MARK2: variants seen among roughly 807,000 people sequenced by gnomAD.
MARK2 encodes serine/threonine-protein kinase MARK2.
MARK2 carries 16 observed loss-of-function variants against 89.8 expected under a neutral mutation model. The ratio of observed to expected loss-of-function variants is 0.18; its 90% CI spans 0.12 to 0.27. The LOEUF (loss-of-function observed/expected upper bound fraction) is 0.27. Among genes scored for constraint, MARK2 ranks in the 10% least tolerant of loss-of-function variants. MARK2 has a pLI of 1.00. For synonymous variants in MARK2, 382 were observed against 399.5 expected, an observed-to-expected ratio of 0.96 and a Z score of 0.52; for missense variants, 621 against 1,049.9, an observed-to-expected ratio of 0.59 and a Z score of 5.65.
At chr11:63,844,256 G>C (rs1489409992) in intron 1 of MARK2, among the ~76,000 whole-genome samples, 3 of 152,220 alleles carry the variant, frequency 2.0e-5, no homozygotes, top group Admixed American at 6.5e-5. Context: ...AAGGCAGGAG[G>C]ATTGCTTGAG....
In MARK2 at chr11:63,839,332, C is replaced by G; in HGVS notation, c.-175C>G. ...CGCTCGGAGCCGGCGCGGCCTAGCC[C>G]GAGCGGCGCATCCCCGGGCTGGCGT... On this transcript the variant is annotated 5_prime_UTR_variant, in exon 1 of 19. Coordinates refer to ENST00000402010, the MANE Select transcript of MARK2 (RefSeq NM_001039469.3). 2.1e-6 allele frequency: 1 copy of G among 478,336 alleles called. No homozygotes were observed. Among genetic ancestry groups the G allele is most frequent in the Non-Finnish European group, 3.6e-6 (1 of 276,302 alleles). The allele number at this position is 478,336 out of a possible 1,614,324, so 29.6% of individuals were successfully genotyped here. A position where few individuals can be genotyped will look rare whatever the true frequency, so the allele number is the denominator to read the frequency against.
rs1590685919 is a variant in MARK2 at position 63,900,470 on chromosome 11, C to T, written c.769-89C>T. 2 of 1,464,784 alleles carry T rather than the reference C, an allele frequency of 1.4e-6. No individual in the cohort carries two copies. The highest frequency in any genetic ancestry group is 1.3e-5 in the South Asian group (1 of 79,954). 90.7% of individuals were successfully genotyped at this position (1,464,784 alleles called of 1,614,324 possible). On this transcript the variant is annotated intron_variant, in intron 8 of 18. Coordinates refer to ENST00000402010, the MANE Select transcript of MARK2 (RefSeq NM_001039469.3). This position sits in a 1 kb window ranked among gnomAD's most constrained non-coding sequence, Gnocchi z 4.7. ...CATATTTCATTTATGTCTGCTTTGC[C>T]AGGCTTAAGCTCTCAGGATCTTGGA...
At position 63,908,767 on chromosome 11, in the gene MARK2, C is replaced by T. The variant is rs7940152; in HGVS notation, c.2007-110C>T. 5 of 1,167,706 alleles carry T rather than the reference C, an allele frequency of 4.3e-6. No individual in the cohort carries two copies. The South Asian group carries it at 8.6e-5, about 20-fold the overall frequency. The allele number at this position is 1,167,706 out of a possible 1,614,324, so 72.3% of individuals were successfully genotyped here. On this transcript the variant is annotated intron_variant, in intron 18 of 18. Coordinates refer to ENST00000402010, the MANE Select transcript of MARK2 (RefSeq NM_001039469.3). ...GGCCAGGGGCCACGCCTGGCTGCTC[C>T]TGCTCCCTCCCGCTCTCCTCTCTGG... is the stretch of plus-strand genomic sequence containing the variant.
intron 1 of MARK2, among the ~76,000 whole-genome samples, chr11:63,854,486 G>C (rs1448077688): frequency 6.6e-6 from 1 of 150,900 alleles, no homozygotes; most frequent in Non-Finnish European, 1.5e-5. Context: ...CACAGTGCTG[G>C]GATTACAGGC....
At chr11:63,895,047 T>C (rs1021115658) in intron 1 of MARK2, 112 bp from the exon 2 acceptor site, 4 of 797,058 alleles carry the variant, frequency 5.0e-6, no homozygotes, top group Middle Eastern at 3.8e-4. Flanking sequence ...TTCACATGCC[T>C]ACCAGCCCCC....
chr11:63,883,203 A>T (rs1939200913), intron 1 of MARK2, among the ~76,000 whole-genome samples: 1 of 152,116 alleles, frequency 6.6e-6, no homozygotes, highest in South Asian at 2.1e-4. Context: ...TGAAGAAGGG[A>T]AGAACCCTGG....
chr11:63,878,472 C>T (rs1453349000), intron 1 of MARK2, among the ~76,000 whole-genome samples: 2 of 150,582 alleles, frequency 1.3e-5, no homozygotes, highest in African/African-American at 4.9e-5. Context: ...TGGGTTCACG[C>T]CATTCTCCTG....
chr11:63,899,438 C>T (rs1940687086), intron 7 of MARK2, among the ~76,000 whole-genome samples: 2 of 152,116 alleles, frequency 1.3e-5, no homozygotes, highest in Admixed American at 6.5e-5. Context: ...TTCAGGCAAC[C>T]TGGTAGCTGA....
At position 63,839,220 on chromosome 11, in the gene MARK2, TGCG is replaced by T. The variant is rs1366659079; in HGVS notation, c.-281_-279del. 1 of 227,444 alleles carries T rather than the reference TGCG, an allele frequency of 4.4e-6. No homozygotes were observed. Among genetic ancestry groups the T allele is most frequent in the Non-Finnish European group, 8.4e-6 (1 of 119,134 alleles). The allele number at this position is 227,444 out of a possible 1,614,324, so 14.1% of individuals were successfully genotyped here. A position where few individuals can be genotyped will look rare whatever the true frequency, so the allele number is the denominator to read the frequency against. ...GGGAGGAGCGAGGCAGGCGGCCGGC[TGCG>T]GCGGCAGAGAGTAGGCGGAGCGGCG... On this transcript the variant is annotated 5_prime_UTR_variant, in exon 1 of 19. Transcript: ENST00000402010.
chr11:63,844,981 A>G (rs1282709931), intron 1 of MARK2, among the ~76,000 whole-genome samples: 5 of 152,082 alleles, frequency 3.3e-5, no homozygotes, highest in African/African-American at 1.2e-4. Context: ...TTTGTGGCCC[A>G]TTATCGACAA....
Position 63,904,385 on chromosome 11 carries a change from G to T in MARK2, c.1676+238G>T, listed in dbSNP as rs1403460591. Among the ~76,000 whole-genome samples the T allele has an allele frequency of 1.3e-5, 2 of 152,190 alleles. No homozygotes were observed. The highest frequency in any genetic ancestry group is 3.9e-4 in the East Asian group (2 of 5,194). On this transcript the variant is annotated intron_variant, in intron 15 of 18. Transcript: ENST00000402010. This position sits in a 1 kb window ranked among gnomAD's most constrained non-coding sequence, Gnocchi z 6.3. ...CAGGAAGCTGTCCTAAGGCTCCAAA[G>T]GGAAACCTTTTTGTTCTGAACCTTC... is the stretch of plus-strand genomic sequence containing the variant.
intron 1 of MARK2, among the ~76,000 whole-genome samples, chr11:63,870,221 A>T (rs187182193): frequency 2.6e-4 from 39 of 152,286 alleles, no homozygotes; most frequent in Admixed American, 2.4e-3. Context: ...CAGAGGCCCT[A>T]GGGAATGATG....
At chr11:63,866,128 G>C (rs1037827359) in intron 1 of MARK2, among the ~76,000 whole-genome samples, 1 of 152,038 alleles carries the variant, frequency 6.6e-6, no homozygotes, top group Non-Finnish European at 1.5e-5. Context: ...GAGGCGGGCA[G>C]ATCACCTGAG....
At chr11:63,895,387 A>G (rs747949365) in intron 2 of MARK2, 49 bp downstream of exon 2, 1 of 1,573,966 alleles carries the variant, frequency 6.4e-7, no homozygotes, top group Non-Finnish European at 8.7e-7. Flanking sequence ...CCCTGTTGAC[A>G]CTCCAGCAGG....
chr11:63,853,725 A>T (rs1281859888), intron 1 of MARK2, among the ~76,000 whole-genome samples: 2 of 152,218 alleles, frequency 1.3e-5, no homozygotes, highest in African/African-American at 4.8e-5. Flanking sequence ...ACTAAGCTCT[A>T]CTAGTGGTCA....
In MARK2 at chr11:63,910,326, A is replaced by G. The variant is rs1941670476; in HGVS notation, c.*1089A>G. On this transcript the variant is annotated 3_prime_UTR_variant, in exon 19 of 19. Coordinates refer to ENST00000402010, the MANE Select transcript of MARK2 (RefSeq NM_001039469.3). ...CTCAGCCTTGCCTTTTCTTCCTGAC[A>G]CTGTCGCCCCCTCCTCTCAGGAGAC... The G allele has an allele frequency of 6.6e-6, 1 of 152,330 alleles. No individual in the cohort carries two copies. The highest frequency in any genetic ancestry group is 1.5e-5 in the Non-Finnish European group (1 of 68,164). 9.4% of individuals were successfully genotyped at this position (152,330 alleles called of 1,614,324 possible).
chr11:63,908,796 C>T, intron 18 of MARK2, 81 bp from the exon 19 acceptor site: 3 of 1,375,636 alleles, frequency 2.2e-6, no homozygotes, highest in Non-Finnish European at 2.9e-6. Context: ...TCTCTGGGCT[C>T]AGGGGCTGTC....
chr11:63,872,868 C>G (rs1443850170), intron 1 of MARK2, among the ~76,000 whole-genome samples: 1 of 151,268 alleles, frequency 6.6e-6, no homozygotes, highest in Admixed American at 6.6e-5. Flanking sequence ...CCTCCTCCTC[C>G]TCTCCCCCAC....
rs956903995 is a variant in MARK2 at position 63,909,905 on chromosome 11, G to C, written c.*668G>C. 3 of 152,844 alleles carry C rather than the reference G, an allele frequency of 2.0e-5. No individual in the cohort carries two copies. Among genetic ancestry groups the C allele is most frequent in the African/African-American group, 7.2e-5 (3 of 41,456 alleles). 9.5% of individuals were successfully genotyped at this position (152,844 alleles called of 1,614,324 possible). A position where few individuals can be genotyped will look rare whatever the true frequency, so the allele number is the denominator to read the frequency against. On this transcript the variant is annotated 3_prime_UTR_variant, in exon 19 of 19. Coordinates refer to ENST00000402010, the MANE Select transcript of MARK2 (RefSeq NM_001039469.3). ...CTGGGGGCTGCTCCGGGGCTGCTGA[G>C]GCTGGAGGGCCGGCACAAGGCTCCG...
Sources: allele counts gnomAD v4.1 joint callset (sites outside exome capture counted in the v4.1 genomes callset), GRCh38; gene constraint gnomAD v4.1.1; non-coding constraint Gnocchi (gnomAD v3.1); transcripts MANE v1.5; gene names NCBI Gene and HGNC (gene_info 2026-07-23, HGNC 2026-07-21).